Variants in NCMAP observed in about 807,000 individuals in gnomAD.
The protein encoded by NCMAP is noncompact myelin-associated protein.
Under a neutral mutation model 7.8 loss-of-function variants are expected in NCMAP, and 8 were observed. The observed-to-expected ratio is 1.02, with a 90% CI of 0.60 to 1.84. The LOEUF is 1.84. Ranked by LOEUF, NCMAP falls within the 40% of genes most tolerant of loss-of-function variation. The probability of loss-of-function intolerance (pLI) is 0.00; values close to 1 mark genes in which losing one functional copy is unlikely to be tolerated. For missense variants in NCMAP, 112 were observed against 131.4 expected (o/e 0.85, Z 0.72); for synonymous variants, 41 against 52.9 (o/e 0.78, Z 0.98).
chr1:24,563,826 A>G (rs1194547129), intron 1 of NCMAP: 2 of 152,278 alleles, frequency 1.3e-5, no homozygotes, highest in Non-Finnish European at 2.9e-5. Flanking sequence ...GGACATATGC[A>G]GCGGGAGAAG....
At position 24,605,894 on chromosome 1, in the gene NCMAP, A is replaced by T; in HGVS notation, c.*147A>T. The T allele has an allele frequency of 1.0e-6, 1 of 964,468 alleles. No homozygotes were observed. The highest frequency in any genetic ancestry group is 1.5e-6 in the Non-Finnish European group (1 of 658,894). 59.7% of individuals were successfully genotyped at this position (964,468 alleles called of 1,614,324 possible). On this transcript the variant is annotated 3_prime_UTR_variant, in exon 4 of 4. Coordinates refer to ENST00000374392, the MANE Select transcript of NCMAP (RefSeq NM_001010980.5). Reference sequence around the variant, plus strand: ...TGACGCAATCTCTGATGCTTCCAGCAATCCTCAACCTTGTCTGCCCTGCCC... The same window carrying T: ...TGACGCAATCTCTGATGCTTCCAGCTATCCTCAACCTTGTCTGCCCTGCCC...
At chr1:24,571,866 G>A (rs562313037) in intron 1 of NCMAP, among the ~76,000 whole-genome samples, 19 of 151,012 alleles carry the variant, frequency 1.3e-4, no homozygotes, top group African/African-American at 4.0e-4. Flanking sequence ...GATTACAGGC[G>A]TAAGCCACCG....
chr1:24,566,432 GA>G, intron 1 of NCMAP, among the ~76,000 whole-genome samples: 1 of 152,308 alleles, frequency 6.6e-6, no homozygotes, highest in Non-Finnish European at 1.5e-5. Flanking sequence ...GCTGTCTTTG[GA>G]AACTGCAATT....
intron 1 of NCMAP, among the ~76,000 whole-genome samples, chr1:24,563,309 GT>G (rs1651110029): frequency 6.6e-6 from 1 of 150,918 alleles, no homozygotes; most frequent in Admixed American, 6.6e-5. Context: ...ATGACCTGAG[GT>G]TGGGAATTCA....
At chr1:24,583,965 C>T (rs960220056) in intron 1 of NCMAP, among the ~76,000 whole-genome samples, 1 of 152,176 alleles carries the variant, frequency 6.6e-6, no homozygotes, top group African/African-American at 2.4e-5. Context: ...AAAAGACCTG[C>T]CTCGCTGTGT....
intron 1 of NCMAP, among the ~76,000 whole-genome samples, chr1:24,558,902 AAAAAG>A (rs960881159): frequency 1.4e-4 from 22 of 152,316 alleles, no homozygotes; most frequent in Admixed American, 3.3e-4. Context: ...ATGAAAGGTT[AAAAAG>A]AAAAGAAAAG....
At chr1:24,577,413 T>TTTTTTTTG (rs1651612956) in intron 1 of NCMAP, among the ~76,000 whole-genome samples, 7 of 145,366 alleles carry the variant, frequency 4.8e-5, no homozygotes, top group African/African-American at 1.8e-4. Flanking sequence ...TTTTTTTTTT[T>TTTTTTTTG]TTTTTTTTTT....
At chr1:24,592,082 G>A (rs576780141) in intron 1 of NCMAP, among the ~76,000 whole-genome samples, 2 of 152,316 alleles carry the variant, frequency 1.3e-5, no homozygotes, top group Admixed American at 1.3e-4. Flanking sequence ...CCAATGCCTG[G>A]GGCAGCCAGC....
At chr1:24,560,389 G>A (rs1392350357) in intron 1 of NCMAP, among the ~76,000 whole-genome samples, 5 of 152,140 alleles carry the variant, frequency 3.3e-5, no homozygotes, top group Non-Finnish European at 5.9e-5. Flanking sequence ...GTCTGGTTTC[G>A]TGCACACCCT....
intron 1 of NCMAP, among the ~76,000 whole-genome samples, chr1:24,580,198 G>A (rs918822160): frequency 2.6e-5 from 4 of 152,218 alleles, no homozygotes; most frequent in African/African-American, 7.2e-5. Flanking sequence ...CGGGTACTGG[G>A]CAGCTGAAAT....
chr1:24,556,594 C>A (rs1286584258), intron 1 of NCMAP, among the ~76,000 whole-genome samples: 1 of 152,184 alleles, frequency 6.6e-6, no homozygotes, highest in South Asian at 2.1e-4. Context: ...TGCAGAGGCC[C>A]CTCCGGAAGA....
At chr1:24,584,293 C>T (rs1296605981) in intron 1 of NCMAP, among the ~76,000 whole-genome samples, 1 of 152,216 alleles carries the variant, frequency 6.6e-6, no homozygotes, top group Non-Finnish European at 1.5e-5. Flanking sequence ...ATCTCCACCA[C>T]AATGTCCACG....
At chr1:24,569,052 G>A (rs1438356775) in intron 1 of NCMAP, among the ~76,000 whole-genome samples, 4 of 151,350 alleles carry the variant, frequency 2.6e-5, no homozygotes, top group African/African-American at 4.9e-5. Flanking sequence ...TTGCTCTGTC[G>A]CCCAATGGTG....
intron 1 of NCMAP, among the ~76,000 whole-genome samples, chr1:24,559,746 G>A (rs1234603001): frequency 1.3e-5 from 2 of 152,182 alleles, no homozygotes; most frequent in Non-Finnish European, 2.9e-5. Context: ...CCAAGTAACA[G>A]CCCCGAGGAG....
intron 1 of NCMAP, among the ~76,000 whole-genome samples, chr1:24,591,307 C>A (rs1304955000): frequency 6.6e-6 from 1 of 152,058 alleles, no homozygotes; most frequent in Non-Finnish European, 1.5e-5. Flanking sequence ...ACTCTGTCAC[C>A]CAGGCTGGAG....
At chr1:24,558,827 C>T (rs1228604386) in intron 1 of NCMAP, among the ~76,000 whole-genome samples, 4 of 152,090 alleles carry the variant, frequency 2.6e-5, no homozygotes, top group South Asian at 4.1e-4. Flanking sequence ...TAAGCGGTGG[C>T]GTTCTCCAGG....
chr1:24,597,524 G>A (rs1387353389), intron 2 of NCMAP, among the ~76,000 whole-genome samples: 1 of 69,706 alleles, frequency 1.4e-5, no homozygotes, highest in Non-Finnish European at 3.0e-5. Flanking sequence ...AAGGAAGGGG[G>A]GGGGGGAGGG....
chr1:24,606,169 C>A lies in NCMAP; in HGVS notation c.*422C>A, dbSNP rs1234590881. ...GCGCCGTATCCACTGCTTCACAGAG[C>A]AAAACATTCAATCCCATAACCAGGC... is the stretch of plus-strand genomic sequence containing the variant. On this transcript the variant is annotated 3_prime_UTR_variant, in exon 4 of 4. Coordinates refer to ENST00000374392, the MANE Select transcript of NCMAP (RefSeq NM_001010980.5). 1 of 159,300 alleles carries A rather than the reference C, an allele frequency of 6.3e-6. No homozygotes were observed. The highest frequency in any genetic ancestry group is 1.4e-5 in the Non-Finnish European group (1 of 72,928). 9.9% of individuals were successfully genotyped at this position (159,300 alleles called of 1,614,324 possible).
chr1:24,568,024 C>A (rs985658445), intron 1 of NCMAP, among the ~76,000 whole-genome samples: 1 of 152,096 alleles, frequency 6.6e-6, no homozygotes, highest in African/African-American at 2.4e-5. Context: ...GTCACACTCC[C>A]GTGACCGCTC....
Sources: allele counts gnomAD v4.1 joint callset (sites outside exome capture counted in the v4.1 genomes callset), GRCh38; gene constraint gnomAD v4.1.1; transcripts MANE v1.5; gene names NCBI Gene and HGNC (gene_info 2026-07-23, HGNC 2026-07-21).